ORC4: variants seen among roughly 807,000 people sequenced by gnomAD.
ORC4 encodes origin recognition complex, subunit 4 homolog.
Under a neutral mutation model 63.9 loss-of-function variants are expected in ORC4, and 55 were observed. That is an observed-to-expected ratio of 0.86 (90% CI 0.69 to 1.08). The LOEUF (loss-of-function observed/expected upper bound fraction) is 1.08, where lower values mean the gene tolerates loss of function less well. ORC4 is among the 50% of genes least tolerant of loss of function. The probability of loss-of-function intolerance (pLI) is 0.00; values close to 1 mark genes in which losing one functional copy is unlikely to be tolerated. For synonymous variants in ORC4, 150 were observed against 168.5 expected (o/e 0.89, Z 0.85); for missense variants, 511 against 504.4 (o/e 1.01, Z -0.13).
chr2:147,961,996 G>A (rs1689623242), intron 4 of ORC4, among the ~76,000 whole-genome samples: 1 of 152,174 alleles, frequency 6.6e-6, no homozygotes, highest in South Asian at 2.1e-4. Context: ...AAGGACCACA[G>A]CAATGAATGA....
At chr2:148,003,461 T>C (rs1573886656) in intron 1 of ORC4, among the ~76,000 whole-genome samples, 1 of 152,090 alleles carries the variant, frequency 6.6e-6, no homozygotes, top group East Asian at 1.9e-4. Context: ...GTTCAACATA[T>C]GCAAATCAAT....
intron 4 of ORC4, among the ~76,000 whole-genome samples, chr2:147,964,046 T>A (rs1312039366): frequency 1.3e-5 from 2 of 151,952 alleles, no homozygotes; most frequent in African/African-American, 4.8e-5. Flanking sequence ...AGGGACACAT[T>A]AAACATAAAA....
chr2:147,975,770 A>G (rs1690515897), intron 2 of ORC4, 132 bp downstream of exon 2: 2 of 703,488 alleles, frequency 2.8e-6, no homozygotes, highest in Admixed American at 2.0e-5. Context: ...TCTCGTACTG[A>G]TATCTCCCTA....
At chr2:148,003,754 T>C (rs1318160468) in intron 1 of ORC4, among the ~76,000 whole-genome samples, 1 of 152,202 alleles carries the variant, frequency 6.6e-6, no homozygotes, top group Non-Finnish European at 1.5e-5. Context: ...TTGGAAGTTC[T>C]GGCCAGGGCA....
intron 1 of ORC4, among the ~76,000 whole-genome samples, chr2:147,993,308 T>TA (rs1691736865): frequency 6.6e-6 from 1 of 152,114 alleles, no homozygotes; most frequent in African/African-American, 2.4e-5. Context: ...GCCCCTACAA[T>TA]ATGCTACAAC....
intron 4 of ORC4, among the ~76,000 whole-genome samples, chr2:147,971,612 T>C (rs911731981): frequency 4.6e-5 from 7 of 152,034 alleles, no homozygotes; most frequent in East Asian, 1.9e-4. Context: ...ATTTAAAAAT[T>C]TAAAAATTTG....
intron 1 of ORC4, among the ~76,000 whole-genome samples, chr2:148,007,197 G>A (rs561128698): frequency 2.6e-5 from 4 of 152,252 alleles, no homozygotes; most frequent in East Asian, 3.9e-4. Context: ...CTAGCTCTTC[G>A]ATGCCTAGAC....
chr2:147,942,220 T>C (rs1176583073), intron 10 of ORC4, among the ~76,000 whole-genome samples: 1 of 152,130 alleles, frequency 6.6e-6, no homozygotes, highest in Non-Finnish European at 1.5e-5. Flanking sequence ...TCTATTATTA[T>C]TAAAAATGAC....
At chr2:147,984,582 T>C (rs1691082489) in intron 1 of ORC4, among the ~76,000 whole-genome samples, 1 of 152,168 alleles carries the variant, frequency 6.6e-6, no homozygotes, top group Non-Finnish European at 1.5e-5. Context: ...CAACTGCGTA[T>C]GGAGGAAATT....
chr2:148,015,880 G>A (rs1173789548), intron 1 of ORC4, among the ~76,000 whole-genome samples: 1 of 152,164 alleles, frequency 6.6e-6, no homozygotes, highest in Non-Finnish European at 1.5e-5. Context: ...GGTTCAAGAA[G>A]TTTTGCAAAA....
At chr2:147,972,600 CA>C in intron 4 of ORC4, 138 bp downstream of exon 4, 1 of 476,978 alleles carries the variant, frequency 2.1e-6, no homozygotes, top group Non-Finnish European at 3.6e-6. Context: ...AAGAAAAAAA[CA>C]AAAAAGTAAA....
intron 1 of ORC4, among the ~76,000 whole-genome samples, chr2:147,983,498 CCA>C (rs1466845007): frequency 6.6e-6 from 1 of 152,094 alleles, no homozygotes; most frequent in Admixed American, 6.5e-5. Context: ...CCACTGGTCC[CCA>C]AACACAAACT....
chr2:147,945,001 T>A (rs1688577743), intron 9 of ORC4, among the ~76,000 whole-genome samples: 3 of 151,986 alleles, frequency 2.0e-5, no homozygotes, highest in Admixed American at 2.0e-4. Flanking sequence ...AAGTAATACC[T>A]TTTGGAAATT....
Position 147,949,408 on chromosome 2 carries a change from T to C in ORC4, c.589-1184A>G, listed in dbSNP as rs563911141. On this transcript the variant is annotated intron_variant, in intron 8 of 13. Coordinates refer to ENST00000392857, the MANE Select transcript of ORC4 (RefSeq NM_181741.4). ...GTCAGAAAGTGGATTAGCAGATTAG[T>C]GGTTGCATAGGGCTGGGGAGGGAAC... Among the ~76,000 whole-genome samples the C allele has an allele frequency of 2.6e-5, 4 of 152,186 alleles. No homozygotes were observed. The South Asian group carries it at 8.3e-4, about 32-fold the overall frequency.
At chr2:147,945,128 A>T (rs914647811) in intron 9 of ORC4, among the ~76,000 whole-genome samples, 1 of 152,112 alleles carries the variant, frequency 6.6e-6, no homozygotes, top group Non-Finnish European at 1.5e-5. Context: ...GTAAAAGTTG[A>T]TGTGGTAAAA....
At chr2:147,958,925 C>T (rs753220682) in intron 4 of ORC4, 59 bp from the exon 5 acceptor site, 21 of 730,112 alleles carry the variant, frequency 2.9e-5, no homozygotes, top group South Asian at 3.2e-5. Flanking sequence ...AGTCCATATT[C>T]GTTTTTAAAC....
chr2:148,008,058 T>C (rs1006583900), intron 1 of ORC4, among the ~76,000 whole-genome samples: 6 of 152,196 alleles, frequency 3.9e-5, no homozygotes, highest in Non-Finnish European at 7.3e-5. Flanking sequence ...TCCACCGAAA[T>C]TATCCTTGAA....
chr2:148,005,536 A>C (rs1464092850), intron 1 of ORC4, among the ~76,000 whole-genome samples: 1 of 152,052 alleles, frequency 6.6e-6, no homozygotes, highest in African/African-American at 2.4e-5. Flanking sequence ...ATTATAATAA[A>C]AAAGAAAAAT....
intron 1 of ORC4, among the ~76,000 whole-genome samples, chr2:148,004,654 A>C (rs1692514732): frequency 1.3e-5 from 2 of 152,208 alleles, no homozygotes; most frequent in African/African-American, 4.8e-5. Context: ...AAACCATAAA[A>C]ACTCTATAAG....
Sources: gnomAD v4.1 joint callset for allele counts (sites outside exome capture counted in the v4.1 genomes callset) on GRCh38, gnomAD v4.1.1 for gene constraint, MANE v1.5 for transcripts, NCBI Gene and HGNC (gene_info 2026-07-23, HGNC 2026-07-21) for gene names.